Variants in ATP6AP2 observed in about 807,000 individuals in gnomAD.
ATP6AP2 encodes ATPase H+ transporting accessory protein 2.
In ATP6AP2, 1 loss-of-function variant was observed where a neutral mutation model predicts 23.4. The ratio of observed to expected loss-of-function variants is 0.04; its 90% CI spans 0.02 to 0.20. The LOEUF is 0.20. Ranked by LOEUF, ATP6AP2 falls within the 10% of genes least tolerant of loss-of-function variation. ATP6AP2 has a pLI of 1.00. For synonymous variants in ATP6AP2, 90 were observed against 97.1 expected (o/e 0.93, Z 0.43); for missense variants, 174 against 271.3 (o/e 0.64, Z 2.52).
chrX:40,582,245 A>T (rs1926347464), intron 1 of ATP6AP2, among the ~76,000 whole-genome samples: 1 of 112,095 alleles, frequency 8.9e-6, no homozygotes, highest in African/African-American at 3.2e-5. Flanking sequence ...CTGGCCAACA[A>T]GGCAAAACGC....
At chrX:40,587,138 C>T (rs1926494799) in intron 1 of ATP6AP2, among the ~76,000 whole-genome samples, 1 of 111,378 alleles carries the variant, frequency 9.0e-6, no homozygotes, top group African/African-American at 3.3e-5. Context: ...GGCATGGTGG[C>T]ACACACCTGT....
intron 3 of ATP6AP2, chrX:40,591,606 C>A: frequency 2.8e-6 from 1 of 358,345 alleles, no homozygotes; most frequent in Non-Finnish European, 4.8e-6. Context: ...AGAAATTGCC[C>A]CACTCAGAAT....
chrX:40,582,401 C>G, intron 1 of ATP6AP2, among the ~76,000 whole-genome samples: 1 of 112,069 alleles, frequency 8.9e-6, no homozygotes, highest in Admixed American at 9.5e-5. Context: ...GCACTCCAGC[C>G]TGGGCGATAG....
At chrX:40,593,297 C>T (rs1222577480) in intron 3 of ATP6AP2, among the ~76,000 whole-genome samples, 1 of 110,307 alleles carries the variant, frequency 9.1e-6, no homozygotes, top group Non-Finnish European at 1.9e-5. Flanking sequence ...CCCATCCACC[C>T]GTCTCCCCCA....
In ATP6AP2 at chrX:40,605,580, A is replaced by C. The variant is rs1205959165; in HGVS notation, c.878A>C (p.Tyr293Ser). 2 of 1,205,477 alleles carry C rather than the reference A, an allele frequency of 1.7e-6. No homozygotes were observed. Among genetic ancestry groups the C allele is most frequent in the African/African-American group, 1.8e-5 (1 of 57,142 alleles). Residue 293 changes from tyrosine to serine, a missense_variant, in exon 9 of 9, where the codon TAT becomes TCT. Tyr to Ser is a moderately radical substitution (Grantham distance 144). Transcript: ENST00000636580. ...TTGTAGAAGAACCCAGCAAGTCCCT[A>C]TAACCTTGCATATAAGTATAATTTT... ...AKQAKNPASPYNLAYKYNFEY... is the reference protein window; with the variant it reads ...AKQAKNPASPSNLAYKYNFEY...
chrX:40,585,033 T>C (rs759783409), intron 1 of ATP6AP2, among the ~76,000 whole-genome samples: 2 of 112,386 alleles, frequency 1.8e-5, no homozygotes, highest in Non-Finnish European at 3.8e-5. Context: ...GTGTGAGCCA[T>C]CATGCCTGGC....
intron 8 of ATP6AP2, chrX:40,605,301 G>C (rs1442089547): frequency 5.5e-6 from 2 of 366,447 alleles, no homozygotes; most frequent in Non-Finnish European, 9.5e-6. Context: ...GGACTTACTG[G>C]ATCACAGGAT....
At chrX:40,603,778 T>C (rs6610434) in intron 8 of ATP6AP2, among the ~76,000 whole-genome samples, 13,509 of 110,871 alleles carry the variant, frequency 0.12, 1,596 homozygotes, top group African/African-American at 0.35. Flanking sequence ...GGTCTCGCCC[T>C]GTCCCAGGCC....
intron 3 of ATP6AP2, among the ~76,000 whole-genome samples, chrX:40,596,322 A>G (rs1458701500): frequency 8.9e-6 from 1 of 112,430 alleles, no homozygotes; most frequent in East Asian, 2.7e-4. Context: ...AGATCAATGT[A>G]AGAAATCTCC....
Position 40,589,123 on chromosome X carries a change from A to C in ATP6AP2, c.168+7A>C. The C allele has an allele frequency of 8.3e-7, 1 of 1,208,070 alleles. No homozygotes were observed. Among genetic ancestry groups the C allele is most frequent in the African/African-American group, 1.7e-5 (1 of 57,695 alleles). ...GGGCTTCTCTGTGAAAGAAGTATGTATATATTTTTTAAATGTTTGGAGCTG... is the reference window on the plus strand; with the variant it reads ...GGGCTTCTCTGTGAAAGAAGTATGTCTATATTTTTTAAATGTTTGGAGCTG... On this transcript the variant is annotated splice_region_variant and intron_variant, in intron 2 of 8. Coordinates refer to ENST00000636580, the MANE Select transcript of ATP6AP2 (RefSeq NM_005765.3).
chrX:40,597,116 A>G (rs1401281326), intron 3 of ATP6AP2, 133 bp from the exon 4 acceptor site: 2 of 536,061 alleles, frequency 3.7e-6, no homozygotes, highest in African/African-American at 4.7e-5. Context: ...TTGTTTGGAA[A>G]TGATTTCGGG....
Position 40,591,157 on chromosome X carries a change from C to G in ATP6AP2, c.169-77C>G, listed in dbSNP as rs1015300403. 3.4e-6 allele frequency: 4 copies of G among 1,159,620 alleles called. No homozygotes were observed. In the African/African-American group the frequency reaches 5.3e-5, roughly 15 times the overall value. On this transcript the variant is annotated intron_variant, in intron 2 of 8. Coordinates refer to ENST00000636580, the MANE Select transcript of ATP6AP2 (RefSeq NM_005765.3). ...AGTGTCATCTCAGAACCCCTTAACT[C>G]TGCTTATTAGATGTTATTGGGGAGG... is the stretch of plus-strand genomic sequence containing the variant.
rs1412398708 is a variant in ATP6AP2, at chrX:40,605,844, ATACTT to A, written c.*93_*97del. 5 of 771,905 alleles carry A rather than the reference ATACTT, an allele frequency of 6.5e-6. No individual in the cohort carries two copies. The East Asian group carries it at 1.0e-4, about 16-fold the overall frequency. The allele number at this position is 771,905 out of a possible 1,213,427, so 63.6% of individuals were successfully genotyped here. A position where few individuals can be genotyped will look rare whatever the true frequency, so the allele number is the denominator to read the frequency against. On this transcript the variant is annotated 3_prime_UTR_variant, in exon 9 of 9. Transcript: ENST00000636580. ...TTTAGTGTGCTTTAAAGTAGATAGT[ATACTT>A]TACATTTATAAAAAAAAATCAAATT...
At position 40,606,064 on chromosome X, in the gene ATP6AP2, G is replaced by A. The variant is rs1311769522; in HGVS notation, c.*309G>A. 1 of 240,038 alleles carries A rather than the reference G, an allele frequency of 4.2e-6. No homozygotes were observed. Among genetic ancestry groups the A allele is most frequent in the East Asian group, 8.9e-5 (1 of 11,196 alleles). The allele number at this position is 240,038 out of a possible 1,213,427, so 19.8% of individuals were successfully genotyped here. On this transcript the variant is annotated 3_prime_UTR_variant, in exon 9 of 9. Coordinates refer to ENST00000636580, the MANE Select transcript of ATP6AP2 (RefSeq NM_005765.3). ...AAAGAAATGTAAAACATTTAGAATAGCTCGTGTTATGGAAAAAAGTGCACT... is the reference window on the plus strand; with the variant it reads ...AAAGAAATGTAAAACATTTAGAATAACTCGTGTTATGGAAAAAAGTGCACT...
intron 5 of ATP6AP2, 92 bp downstream of exon 5, chrX:40,597,756 G>A: frequency 1.0e-6 from 1 of 975,241 alleles, no homozygotes; most frequent in Non-Finnish European, 1.4e-6. Flanking sequence ...GTCCAGGCTG[G>A]TCTTGAACTC....
intron 8 of ATP6AP2, among the ~76,000 whole-genome samples, chrX:40,604,092 T>C (rs1428457097): frequency 8.9e-6 from 1 of 111,788 alleles, no homozygotes; most frequent in Non-Finnish European, 1.9e-5. Context: ...ATGAATGATA[T>C]TTCCCAAACA....
intron 3 of ATP6AP2, among the ~76,000 whole-genome samples, chrX:40,593,946 C>T (rs902728234): frequency 8.9e-6 from 1 of 112,013 alleles, no homozygotes; most frequent in Non-Finnish European, 1.9e-5. Context: ...ACTTCAATTG[C>T]TTTGGATATA....
intron 3 of ATP6AP2, chrX:40,591,677 A>G (rs961049111): frequency 7.9e-6 from 2 of 251,721 alleles, no homozygotes; most frequent in Admixed American, 1.1e-4. Context: ...GTATCCTGCT[A>G]CTGTTTTTTT....
At chrX:40,601,839 G>A (rs151086777) in intron 8 of ATP6AP2, among the ~76,000 whole-genome samples, 124 of 112,485 alleles carry the variant, frequency 1.1e-3, no homozygotes, top group Middle Eastern at 4.6e-3. Flanking sequence ...ATAGTCTAGC[G>A]ATTACTGGTT....
Sources: gnomAD v4.1 joint callset for allele counts (sites outside exome capture counted in the v4.1 genomes callset) on GRCh38, gnomAD v4.1.1 for gene constraint, MANE v1.5 for transcripts, NCBI Gene and HGNC (gene_info 2026-07-23, HGNC 2026-07-21) for gene names.